The following FHIT variants were observed in gnomAD, a reference collection of about 807,000 sequenced individuals.
FHIT encodes bis(5'-adenosyl)-triphosphatase.
FHIT carries 19 observed loss-of-function variants against 17.9 expected under a neutral mutation model. That is an observed-to-expected ratio of 1.06 (90% CI 0.74 to 1.56). The LOEUF is 1.56. FHIT is among the 40% of genes most tolerant of loss of function. The probability of loss-of-function intolerance (pLI) is 0.00; values close to 1 mark genes in which losing one functional copy is unlikely to be tolerated. For missense variants in FHIT, 248 were observed against 189.2 expected, an observed-to-expected ratio of 1.31 and a Z score of -1.82; for synonymous variants, 81 against 69.7, an observed-to-expected ratio of 1.16 and a Z score of -0.81.
At chr3:60,872,025 GA>G (rs1440153562) in intron 3 of FHIT, among the ~76,000 whole-genome samples, 2 of 151,946 alleles carry the variant, frequency 1.3e-5, no homozygotes, top group Non-Finnish European at 2.9e-5. Flanking sequence ...CTGATAAAAA[GA>G]AACCTCTGTA....
chr3:60,769,469 G>C (rs2108071137), intron 4 of FHIT, among the ~76,000 whole-genome samples: 1 of 152,236 alleles, frequency 6.6e-6, no homozygotes, highest in South Asian at 2.1e-4. Flanking sequence ...TCCAACAATA[G>C]ATATGATAAA....
Position 61,249,981 on chromosome 3 carries a change from CACACACACAA to C in FHIT, c.-213+1310_-213+1319del, listed in dbSNP as rs1393602549. Among the ~76,000 whole-genome samples the C allele has an allele frequency of 9.2e-3, 1,216 of 132,430 alleles. 15 individuals carry two copies. Among genetic ancestry groups the C allele is most frequent in the African/African-American group, 0.03 (908 of 30,530 alleles). 86.9% of individuals were successfully genotyped at this position (132,430 alleles called of 152,430 possible). ...ACACACACACACACACACACACACA[CACACACACAA>C]ACCCTAGACTTCTTTCTTTACTAAA... On this transcript the variant is annotated intron_variant, in intron 1 of 9. Coordinates refer to ENST00000492590, the MANE Select transcript of FHIT (RefSeq NM_002012.4).
intron 5 of FHIT, among the ~76,000 whole-genome samples, chr3:60,236,521 A>G (rs1704804898): frequency 1.3e-5 from 2 of 152,088 alleles, no homozygotes; most frequent in South Asian, 2.1e-4. Flanking sequence ...CAAGGTAAGC[A>G]TCACTGAAAA....
chr3:60,945,555 G>T (rs57501328), intron 3 of FHIT, among the ~76,000 whole-genome samples: 1 of 152,000 alleles, frequency 6.6e-6, no homozygotes, highest in African/African-American at 2.4e-5. Flanking sequence ...ACCATGCCCC[G>T]CTTATTTTTT....
At chr3:60,941,726 C>G (rs552035809) in intron 3 of FHIT, among the ~76,000 whole-genome samples, 1 of 152,282 alleles carries the variant, frequency 6.6e-6, no homozygotes, top group South Asian at 2.1e-4. Flanking sequence ...CCGAATCACA[C>G]ACCTTTCTAC....
chr3:60,451,710 A>G (rs1264269064), intron 5 of FHIT, among the ~76,000 whole-genome samples: 12 of 152,206 alleles, frequency 7.9e-5, no homozygotes, highest in African/African-American at 2.7e-4. Context: ...ACTTTTTTAG[A>G]AAAAACATTA....
At chr3:59,833,827 T>C (rs112581760) in intron 8 of FHIT, among the ~76,000 whole-genome samples, 5,368 of 152,240 alleles carry the variant, frequency 0.035, 179 homozygotes, top group African/African-American at 0.086. Context: ...CTCCATGCTG[T>C]TCTTGTGATA....
intron 5 of FHIT, among the ~76,000 whole-genome samples, chr3:60,210,268 A>AG (rs2107514155): frequency 6.6e-6 from 1 of 152,292 alleles, no homozygotes; most frequent in Non-Finnish European, 1.5e-5. Flanking sequence ...AGGTAAAATC[A>AG]GATCCATTCC....
intron 5 of FHIT, among the ~76,000 whole-genome samples, chr3:60,139,698 C>T (rs1325131599): frequency 6.6e-6 from 1 of 152,080 alleles, no homozygotes; most frequent in Non-Finnish European, 1.5e-5. Context: ...CAGTGCCTGG[C>T]CCATAAACGA....
intron 5 of FHIT, among the ~76,000 whole-genome samples, chr3:60,057,213 G>C (rs1054726188): frequency 6.6e-6 from 1 of 152,272 alleles, no homozygotes; most frequent in Admixed American, 6.5e-5. Context: ...AAAACTTTGA[G>C]TGGTATTATT....
chr3:60,485,768 C>G (rs2033811823), intron 5 of FHIT, among the ~76,000 whole-genome samples: 2 of 151,978 alleles, frequency 1.3e-5, no homozygotes, highest in South Asian at 4.2e-4. Context: ...ATCCTGGAAT[C>G]TAAAGTAAAA....
At chr3:60,983,394 C>T (rs1178187643) in intron 3 of FHIT, among the ~76,000 whole-genome samples, 1 of 152,130 alleles carries the variant, frequency 6.6e-6, no homozygotes, top group Non-Finnish European at 1.5e-5. Context: ...CTCCAGGACC[C>T]ATCTTCTGAG....
At chr3:60,110,385 C>G (rs144732601) in intron 5 of FHIT, among the ~76,000 whole-genome samples, 1 of 152,246 alleles carries the variant, frequency 6.6e-6, no homozygotes, top group African/African-American at 2.4e-5. Context: ...CCACATTCCT[C>G]GCAACATTTA....
At chr3:60,490,395 G>A (rs1202180788) in intron 5 of FHIT, among the ~76,000 whole-genome samples, 5 of 151,774 alleles carry the variant, frequency 3.3e-5, no homozygotes, top group Admixed American at 6.6e-5. Context: ...TACTGAACTC[G>A]TATGTGTGCT....
intron 4 of FHIT, among the ~76,000 whole-genome samples, chr3:60,675,036 T>A (rs2040591124): frequency 6.6e-6 from 1 of 152,180 alleles, no homozygotes; most frequent in Non-Finnish European, 1.5e-5. Context: ...TACTAGCCAG[T>A]CCAGTGAATG....
Position 60,016,375 on chromosome 3 carries a change from T to C in FHIT, c.104-2223A>G, listed in dbSNP as rs143483090. On this transcript the variant is annotated intron_variant, in intron 5 of 9. Transcript: ENST00000492590. ...TGACAAGGAGATTTCTCACAGTAGA[T>C]GAAAACCAAAGGCGACTTCTTAGAG... is the stretch of plus-strand genomic sequence containing the variant. 2.8e-3 allele frequency among the ~76,000 whole-genome samples: 420 copies of C among 152,308 alleles called. 1 individual carries two copies. The highest frequency in any genetic ancestry group is 3.8e-3 in the Non-Finnish European group (258 of 68,030).
At position 59,865,943 on chromosome 3, in the gene FHIT, A is replaced by T. The variant is rs767223954; in HGVS notation, c.348+56403T>A. Among the ~76,000 whole-genome samples the T allele has an allele frequency of 5.5e-4, 84 of 152,248 alleles. 1 individual carries two copies. The highest frequency in any genetic ancestry group is 7.3e-5 in the Non-Finnish European group (5 of 68,050). ...TCTCCATCCTCACTGCATCCAGAGCAGTTCCCTCTACATCTGTTTTATATA... is the reference window on the plus strand; with the variant it reads ...TCTCCATCCTCACTGCATCCAGAGCTGTTCCCTCTACATCTGTTTTATATA... On this transcript the variant is annotated intron_variant, in intron 8 of 9. Transcript: ENST00000492590.
chr3:60,974,151 T>C (rs567962929), intron 3 of FHIT, among the ~76,000 whole-genome samples: 2 of 152,340 alleles, frequency 1.3e-5, no homozygotes, highest in African/African-American at 4.8e-5. Flanking sequence ...ATTAATGATA[T>C]CAAGTTATTT....
chr3:60,195,622 T>C (rs1401348626), intron 5 of FHIT, among the ~76,000 whole-genome samples: 1 of 146,206 alleles, frequency 6.8e-6, no homozygotes, highest in Non-Finnish European at 1.5e-5. Flanking sequence ...TATAATTATA[T>C]ATATTAATAT....
Sources: allele counts gnomAD v4.1 joint callset (sites outside exome capture counted in the v4.1 genomes callset), GRCh38; gene constraint gnomAD v4.1.1; transcripts MANE v1.5; gene names NCBI Gene and HGNC (gene_info 2026-07-23, HGNC 2026-07-21).